The following TLL2 variants were observed in gnomAD, a reference collection of about 807,000 sequenced individuals.
The protein encoded by TLL2 is tolloid like 2.
In TLL2, 106 loss-of-function variants were observed where a neutral mutation model predicts 123.0. The observed-to-expected ratio is 0.86, with a 90% CI of 0.74 to 1.01. TLL2 has a LOEUF of 1.01. TLL2 is among the 50% of genes least tolerant of loss of function. The pLI, the probability that TLL2 is intolerant of heterozygous loss-of-function variation, is 0.00. For synonymous variants in TLL2, 494 were observed against 516.8 expected, an observed-to-expected ratio of 0.96 and a Z score of 0.60; for missense variants, 1,332 against 1,336.7, an observed-to-expected ratio of 1.00 and a Z score of 0.06.
At position 96,405,261 on chromosome 10, in the gene TLL2, T is replaced by A. The variant is rs1846438568; in HGVS notation, c.1238A>T (p.Asp413Val). 3 of 1,613,978 alleles carry A rather than the reference T, an allele frequency of 1.9e-6. No homozygotes were observed. Among genetic ancestry groups the A allele is most frequent in the Admixed American group, 1.7e-5 (1 of 60,004 alleles). ...LCWYDYVEVR[D>V]GYWRKAPLLG... is the part of the protein sequence containing the mutation. Reference sequence around the variant, plus strand: ...AAGGGGGGCTTTTCTCCAGTAACCATCCCGGACCTCCACGTAATCATACCA... The same window carrying A: ...AAGGGGGGCTTTTCTCCAGTAACCAACCCGGACCTCCACGTAATCATACCA... The change falls in exon 10 of 21, where the codon GAT becomes GTT. Residue 413 changes from aspartate to valine, a missense_variant. Asp to Val is a radical substitution (Grantham distance 152, BLOSUM62 -3). Transcript: ENST00000357947.
intron 2 of TLL2, among the ~76,000 whole-genome samples, chr10:96,475,870 T>G (rs925683892): frequency 3.3e-5 from 5 of 152,134 alleles, no homozygotes; most frequent in African/African-American, 1.2e-4. Flanking sequence ...GCTGTTCTCA[T>G]GATAGTAAGT....
chr10:96,400,604 C>T (rs1226293009), intron 10 of TLL2, among the ~76,000 whole-genome samples: 1 of 152,174 alleles, frequency 6.6e-6, no homozygotes, highest in African/African-American at 2.4e-5. Context: ...GGGAGGCTGC[C>T]CCTGGCTAGG....
chr10:96,431,977 G>A (rs1372843779), intron 4 of TLL2, among the ~76,000 whole-genome samples: 4 of 152,078 alleles, frequency 2.6e-5, no homozygotes, highest in Non-Finnish European at 4.4e-5. Flanking sequence ...CATGGCTGGT[G>A]AGGCCAGAGC....
At chr10:96,451,432 C>T (rs925975186) in intron 2 of TLL2, among the ~76,000 whole-genome samples, 2 of 152,182 alleles carry the variant, frequency 1.3e-5, no homozygotes, top group African/African-American at 4.8e-5. Context: ...ATGGGCTTTT[C>T]CAAAGCCCTA....
intron 2 of TLL2, among the ~76,000 whole-genome samples, chr10:96,448,622 T>C (rs1846923573): frequency 1.3e-5 from 2 of 152,292 alleles, no homozygotes; most frequent in South Asian, 4.1e-4. Context: ...ATGGAAATTA[T>C]ATTCTGATGA....
chr10:96,405,114 T>C (rs2134067583), intron 10 of TLL2, 118 bp downstream of exon 10: 1 of 887,738 alleles, frequency 1.1e-6, no homozygotes, highest in Non-Finnish European at 1.8e-6. Flanking sequence ...AGTTTTACAA[T>C]GACAGAGGCC....
chr10:96,433,879 G>T (rs370064997), intron 3 of TLL2, among the ~76,000 whole-genome samples: 1 of 152,076 alleles, frequency 6.6e-6, no homozygotes, highest in Admixed American at 6.6e-5. Context: ...GGGTTCAAGC[G>T]ATTCTCCTGC....
At chr10:96,419,087 C>T (rs1162002036) in intron 7 of TLL2, among the ~76,000 whole-genome samples, 1 of 152,114 alleles carries the variant, frequency 6.6e-6, no homozygotes, top group Non-Finnish European at 1.5e-5. Flanking sequence ...AAGACCCAAG[C>T]ATTGCCTCCC....
At chr10:96,384,871 T>G (rs1015397450) in intron 15 of TLL2, 104 bp from the exon 16 acceptor site, 2 of 1,173,184 alleles carry the variant, frequency 1.7e-6, no homozygotes, top group African/African-American at 1.6e-5. Context: ...CTACCGTGTG[T>G]GGCGGGGGAG....
intron 11 of TLL2, among the ~76,000 whole-genome samples, chr10:96,396,755 C>T (rs895636801): frequency 2.6e-5 from 4 of 152,154 alleles, no homozygotes; most frequent in East Asian, 1.9e-4. Flanking sequence ...TTCTAAGAAA[C>T]GCAGTTGGAA....
In TLL2 at chr10:96,476,241, T is replaced by TATATATATATATATA. The variant is rs1554939631; in HGVS notation, c.286+4107_286+4108insTATATATATATATAT. Among the ~76,000 whole-genome samples the TATATATATATATATA allele has an allele frequency of 2.2e-3, 159 of 72,080 alleles. 9 individuals carry two copies. The highest frequency in any genetic ancestry group is 8.8e-3 in the Middle Eastern group (1 of 114). 47.3% of individuals were successfully genotyped at this position (72,080 alleles called of 152,430 possible). A position where few individuals can be genotyped will look rare whatever the true frequency, so the allele number is the denominator to read the frequency against. On this transcript the variant is annotated intron_variant, in intron 2 of 20. Transcript: ENST00000357947. ...TTATATGTATATATATATATATATA[T>TATATATATATATATA]TTTATTTTTGTTGTTGTTGTTGTTG...
intron 1 of TLL2, among the ~76,000 whole-genome samples, chr10:96,502,166 A>T (rs1291874951): frequency 6.6e-6 from 1 of 152,124 alleles, no homozygotes; most frequent in Non-Finnish European, 1.5e-5. Context: ...TCCAGGCAGG[A>T]AGAAGAACCG....
intron 1 of TLL2, among the ~76,000 whole-genome samples, chr10:96,481,919 T>C (rs1002463058): frequency 4.6e-5 from 7 of 152,136 alleles, no homozygotes; most frequent in Non-Finnish European, 7.4e-5. Context: ...AAATTCAGCA[T>C]TGTAGTGTCA....
At chr10:96,405,085 G>A (rs1846436751) in intron 10 of TLL2, 147 bp downstream of exon 10, 2 of 694,554 alleles carry the variant, frequency 2.9e-6, no homozygotes, top group Non-Finnish European at 5.0e-6. Context: ...TAACATGTGT[G>A]GCCAAATGGA....
intron 17 of TLL2, 142 bp from the exon 18 acceptor site, chr10:96,376,961 A>C (rs7900503): frequency 4.3e-6 from 3 of 705,344 alleles, no homozygotes; most frequent in Non-Finnish European, 6.3e-6. Flanking sequence ...ATCCTGAATC[A>C]GGTATCTCCT....
At chr10:96,387,961 C>A (rs898347898) in intron 13 of TLL2, among the ~76,000 whole-genome samples, 1 of 152,158 alleles carries the variant, frequency 6.6e-6, no homozygotes, top group Non-Finnish European at 1.5e-5. Context: ...TGTGGCCTAC[C>A]AGAGCGAGAA....
chr10:96,387,933 G>A (rs1846253044), intron 13 of TLL2, among the ~76,000 whole-genome samples: 1 of 152,226 alleles, frequency 6.6e-6, no homozygotes, highest in African/African-American at 2.4e-5. Context: ...ATCTAGCCCT[G>A]AAAGAGAGCA....
intron 2 of TLL2, among the ~76,000 whole-genome samples, chr10:96,450,479 T>G (rs1480060851): frequency 6.6e-6 from 1 of 152,112 alleles, no homozygotes; most frequent in East Asian, 1.9e-4. Context: ...GATTCTATGG[T>G]ACAGCCAAGG....
chr10:96,392,358 AAC>A (rs1846297532), intron 13 of TLL2, among the ~76,000 whole-genome samples: 1 of 152,218 alleles, frequency 6.6e-6, no homozygotes, highest in African/African-American at 2.4e-5. Flanking sequence ...TAAACCATCA[AAC>A]ACTTCTCAGC....
Sources: gnomAD v4.1 joint callset for allele counts (sites outside exome capture counted in the v4.1 genomes callset) on GRCh38, gnomAD v4.1.1 for gene constraint, MANE v1.5 for transcripts, NCBI Gene and HGNC (gene_info 2026-07-23, HGNC 2026-07-21) for gene names.